MBTD1: variants seen among roughly 807,000 people sequenced by gnomAD.
MBTD1 encodes the protein MBT domain-containing protein 1.
MBTD1 carries 24 observed loss-of-function variants against 87.8 expected under a neutral mutation model. The ratio of observed to expected loss-of-function variants is 0.27; its 90% CI spans 0.20 to 0.38. The LOEUF (loss-of-function observed/expected upper bound fraction) is 0.38. MBTD1 is among the 10% of genes least tolerant of loss of function. The pLI is 1.00. For synonymous variants in MBTD1, 237 were observed against 248.6 expected, an observed-to-expected ratio of 0.95 and a Z score of 0.44; for missense variants, 436 against 760.2, an observed-to-expected ratio of 0.57 and a Z score of 5.02.
intron 2 of MBTD1, 21 bp from the exon 3 acceptor site, chr17:51,225,230 G>GTGACACA (rs1407855018): frequency 7.1e-7 from 1 of 1,410,222 alleles, no homozygotes; most frequent in African/African-American, 1.4e-5. Context: ...AGAGAAACCA[G>GTGACACA]TGACACATGA....
chr17:51,235,940 T>C (rs1307809016), intron 2 of MBTD1, among the ~76,000 whole-genome samples: 3 of 152,278 alleles, frequency 2.0e-5, no homozygotes, highest in Non-Finnish European at 4.4e-5. Context: ...GGTTTTAGCA[T>C]GAATATAGAC....
At chr17:51,251,972 C>G (rs1401034763) in intron 2 of MBTD1, among the ~76,000 whole-genome samples, 1 of 152,160 alleles carries the variant, frequency 6.6e-6, no homozygotes. Flanking sequence ...GCCATGTTGG[C>G]CAGGCTGATC....
intron 16 of MBTD1, among the ~76,000 whole-genome samples, chr17:51,190,399 G>C (rs575315497): frequency 3.9e-5 from 6 of 151,914 alleles, no homozygotes; most frequent in African/African-American, 1.2e-4. Flanking sequence ...GAGCCACCGC[G>C]TCCAGTCCAA....
At chr17:51,225,807 C>T (rs1226014318) in intron 2 of MBTD1, among the ~76,000 whole-genome samples, 3 of 150,252 alleles carry the variant, frequency 2.0e-5, no homozygotes, top group South Asian at 4.2e-4. Context: ...GAGACTCGGT[C>T]TCACTCTGTT....
chr17:51,249,673 GTATAC>G (rs1263392642), intron 2 of MBTD1: 1 of 151,908 alleles, frequency 6.6e-6, no homozygotes, highest in Non-Finnish European at 1.5e-5. Context: ...ATTATGTACT[GTATAC>G]TTTTTTTTCT....
intron 15 of MBTD1, 167 bp downstream of exon 15, chr17:51,192,615 T>A: frequency 8.1e-7 from 1 of 1,230,770 alleles, no homozygotes; most frequent in Non-Finnish European, 1.1e-6. Flanking sequence ...ATGGGACACA[T>A]GGTCTGATTC....
intron 2 of MBTD1, among the ~76,000 whole-genome samples, chr17:51,246,388 T>C (rs2054436493): frequency 6.6e-6 from 1 of 152,196 alleles, no homozygotes; most frequent in Non-Finnish European, 1.5e-5. Flanking sequence ...GTTTCAAATT[T>C]TGGAGCATTT....
chr17:51,238,168 T>G (rs1227924232), intron 2 of MBTD1, among the ~76,000 whole-genome samples: 2 of 152,106 alleles, frequency 1.3e-5, no homozygotes, highest in Non-Finnish European at 2.9e-5. Flanking sequence ...CTACCTAGAT[T>G]GTGGTGAAGG....
upstream of MBTD1, chr17:51,260,422 G>A (rs995999988): frequency 1.1e-4 from 83 of 752,266 alleles, no homozygotes; most frequent in South Asian, 1.9e-4. Flanking sequence ...GCTGGGTAGG[G>A]GAGCGGGAGT....
chr17:51,219,327 G>A (rs1237035469), intron 4 of MBTD1, among the ~76,000 whole-genome samples: 1 of 152,152 alleles, frequency 6.6e-6, no homozygotes, highest in Non-Finnish European at 1.5e-5. Context: ...TTAAAATATA[G>A]GCTGTGGTGG....
At chr17:51,194,945 C>T (rs559158967) in intron 13 of MBTD1, among the ~76,000 whole-genome samples, 2 of 152,090 alleles carry the variant, frequency 1.3e-5, no homozygotes, top group Non-Finnish European at 2.9e-5. Flanking sequence ...GCCTACATTA[C>T]TGACTCAACA....
intron 2 of MBTD1, among the ~76,000 whole-genome samples, chr17:51,244,302 T>G (rs1047009198): frequency 3.9e-5 from 6 of 152,230 alleles, no homozygotes; most frequent in Non-Finnish European, 7.3e-5. Context: ...TCATTATCAG[T>G]ATGAATTCAC....
chr17:51,192,804 T>C lies in MBTD1; in HGVS notation c.1668A>G (p.Gln556=), dbSNP rs766093480. Residue 556 remains glutamine (Q), a synonymous_variant, in exon 15 of 17, where the codon CAA becomes CAG. Coordinates refer to ENST00000586178, the MANE Select transcript of MBTD1 (RefSeq NM_017643.3). ...PVGWCQLTGY[Q]LQPPASQSSR... ...TACACTGTGATGCTGGAGGCTGTAG[T>C]TGATATCCAGTTAACTGACACCACC... 3.9e-5 allele frequency: 63 copies of C among 1,614,074 alleles called. No homozygotes were observed. Among genetic ancestry groups the C allele is most frequent in the South Asian group, 9.9e-5 (9 of 91,082 alleles).
At chr17:51,181,087 ACTCGGCTTACTG>A (rs1251646863) in intron 16 of MBTD1, among the ~76,000 whole-genome samples, 1 of 147,698 alleles carries the variant, frequency 6.8e-6, no homozygotes, top group East Asian at 2.0e-4. Context: ...AGTGGAGTGA[ACTCGGCTTACTG>A]CAACCTCCGC....
At chr17:51,228,490 G>GAA (rs5820845) in intron 2 of MBTD1, among the ~76,000 whole-genome samples, 1,634 of 121,198 alleles carry the variant, frequency 0.013, 33 homozygotes, top group African/African-American at 0.043. Flanking sequence ...TTCAAACCAC[G>GAA]AAAAAAAAAA....
At chr17:51,224,202 T>C (rs1391937160) in intron 3 of MBTD1, among the ~76,000 whole-genome samples, 2 of 152,196 alleles carry the variant, frequency 1.3e-5, no homozygotes, top group Non-Finnish European at 2.9e-5. Context: ...GTTACCCTAC[T>C]ACCACATAAT....
intron 2 of MBTD1, among the ~76,000 whole-genome samples, chr17:51,233,390 C>T (rs2053651088): frequency 6.6e-6 from 1 of 151,622 alleles, no homozygotes; most frequent in African/African-American, 2.4e-5. Flanking sequence ...TAAGAAAACG[C>T]TAAAAAAAAT....
Position 51,201,583 on chromosome 17 carries a change from TTA to T in MBTD1, c.1224+7_1224+8del. The T allele has an allele frequency of 1.9e-6, 3 of 1,540,450 alleles. No individual in the cohort carries two copies. The highest frequency in any genetic ancestry group is 2.7e-6 in the Non-Finnish European group (3 of 1,123,038). The stretch of plus-strand genomic sequence containing the variant: ...TTGCATTTCTATATTTTAAAACCTA[TTA>T]TCTTACCTTTCTAATGGTTGCGACA... On this transcript the variant is annotated splice_region_variant and intron_variant, in intron 12 of 16. Coordinates refer to ENST00000586178, the MANE Select transcript of MBTD1 (RefSeq NM_017643.3).
chr17:51,220,864 A>G (rs948327906), intron 3 of MBTD1, among the ~76,000 whole-genome samples: 2 of 152,238 alleles, frequency 1.3e-5, no homozygotes, highest in Admixed American at 1.3e-4. Context: ...GATTAATAAC[A>G]AAGTATAACA....
Sources: gnomAD v4.1 joint callset for allele counts (sites outside exome capture counted in the v4.1 genomes callset) on GRCh38, gnomAD v4.1.1 for gene constraint, MANE v1.5 for transcripts, NCBI Gene and HGNC (gene_info 2026-07-23, HGNC 2026-07-21) for gene names.